Variants in TUSC3 observed in about 807,000 individuals in gnomAD.
The protein encoded by TUSC3 is tumor suppressor candidate 3, also known as dolichyl-diphosphooligosaccharide--protein glycosyltransferase subunit TUSC3.
Under a neutral mutation model 44.8 loss-of-function variants are expected in TUSC3, and 45 were observed. The observed-to-expected ratio is 1.00, with a 90% CI of 0.79 to 1.29. The LOEUF (loss-of-function observed/expected upper bound fraction) is 1.29. TUSC3 is among the 50% of genes most tolerant of loss of function. The pLI, the probability that TUSC3 is intolerant of heterozygous loss-of-function variation, is 0.00. For synonymous variants in TUSC3, 212 were observed against 152.9 expected (o/e 1.39, Z -2.85); for missense variants, 519 against 437.9 (o/e 1.19, Z -1.65).
chr8:15,606,372 A>T (rs548449060), intron 1 of TUSC3, among the ~76,000 whole-genome samples: 7 of 152,166 alleles, frequency 4.6e-5, no homozygotes, highest in African/African-American at 1.7e-4. Context: ...GTGTTAATTG[A>T]CTATGTTATT....
chr8:15,478,915 C>G (rs1000083320), intron 1 of TUSC3, among the ~76,000 whole-genome samples: 5 of 152,122 alleles, frequency 3.3e-5, no homozygotes, highest in African/African-American at 1.2e-4. Flanking sequence ...AAAAGCATTC[C>G]TATTTCTCCA....
Position 15,590,994 on chromosome 8 carries a change from C to A in TUSC3, c.139-32086C>A, listed in dbSNP as rs1334080179. Among the ~76,000 whole-genome samples, 6 of 152,082 alleles carry A rather than the reference C, an allele frequency of 3.9e-5. No individual in the cohort carries two copies. The South Asian group carries it at 1.2e-3, about 31-fold the overall frequency. ...CAGCCTATAATTTGTTTTGCCAGAT[C>A]TGATATAAAGAAGTAGGAGAAATCT... On this transcript the variant is annotated intron_variant, in intron 1 of 10. Coordinates refer to ENST00000503731, the MANE Select transcript of TUSC3 (RefSeq NM_006765.4).
chr8:15,696,139 C>T (rs1395725117), intron 6 of TUSC3, among the ~76,000 whole-genome samples: 3 of 152,180 alleles, frequency 2.0e-5, no homozygotes, highest in African/African-American at 2.4e-5. Context: ...GGCAGCCTTT[C>T]CCATCACAGG....
intron 6 of TUSC3, among the ~76,000 whole-genome samples, chr8:15,691,923 G>A (rs1808918593): frequency 6.6e-6 from 1 of 152,048 alleles, no homozygotes; most frequent in Admixed American, 6.5e-5. Flanking sequence ...TGGGATTACA[G>A]GTGCTTGCCA....
chr8:15,781,606 A>T, the TUSC3 span, among the ~76,000 whole-genome samples: 1 of 152,120 alleles, frequency 6.6e-6, no homozygotes, highest in Non-Finnish European at 1.5e-5. Context: ...AAAAAAGAAA[A>T]TGGAATCAGA....
At chr8:15,510,633 C>G (rs1042076964) in intron 2 of TUSC3, among the ~76,000 whole-genome samples, 1 of 152,094 alleles carries the variant, frequency 6.6e-6, no homozygotes, top group African/African-American at 2.4e-5. Flanking sequence ...CCAGATGGCT[C>G]TCTTGATAAA....
intron 1 of TUSC3, among the ~76,000 whole-genome samples, chr8:15,434,894 C>G (rs1372274470): frequency 2.0e-5 from 3 of 151,800 alleles, no homozygotes; most frequent in Admixed American, 2.0e-4. Context: ...CATAGTATTC[C>G]ATGGTGTATA....
chr8:15,643,168 T>G lies in TUSC3; in HGVS notation c.309-7529T>G, dbSNP rs149717684. On this transcript the variant is annotated intron_variant, in intron 2 of 10. Coordinates refer to ENST00000503731, the MANE Select transcript of TUSC3 (RefSeq NM_006765.4). ...TGTGAAGAAGGTGCCTTGCTTCCCT[T>G]TTGCCTTCCGCCATGATCATGTTTA... is the stretch of plus-strand genomic sequence containing the variant. 9.6e-4 allele frequency among the ~76,000 whole-genome samples: 146 copies of G among 152,260 alleles called. No homozygotes were observed. The East Asian group carries it at 0.025, about 26-fold the overall frequency.
chr8:15,537,623 C>T (rs911955872), upstream of TUSC3, among the ~76,000 whole-genome samples: 2 of 152,122 alleles, frequency 1.3e-5, no homozygotes, highest in Admixed American at 1.3e-4. Context: ...AAATGGGAGA[C>T]AGAAAACAAA....
intron 6 of TUSC3, among the ~76,000 whole-genome samples, chr8:15,714,355 C>G (rs764363511): frequency 4.6e-5 from 7 of 151,972 alleles, no homozygotes; most frequent in Non-Finnish European, 8.8e-5. Context: ...GTTATTATGC[C>G]ATCATCAAAA....
chr8:15,446,807 T>G (rs1800111154), intron 1 of TUSC3, among the ~76,000 whole-genome samples: 1 of 146,792 alleles, frequency 6.8e-6, no homozygotes. Flanking sequence ...ACAGATTAAA[T>G]AAAGACATGG....
At chr8:15,597,561 T>C (rs975120286) in intron 1 of TUSC3, among the ~76,000 whole-genome samples, 12 of 152,100 alleles carry the variant, frequency 7.9e-5, no homozygotes, top group African/African-American at 2.9e-4. Flanking sequence ...ATCAAGCCTA[T>C]AAAATATGAA....
At chr8:15,691,783 G>T (rs577667029) in intron 6 of TUSC3, among the ~76,000 whole-genome samples, 15 of 109,374 alleles carry the variant, frequency 1.4e-4, no homozygotes, top group Non-Finnish European at 1.9e-4. Flanking sequence ...TTTTGTTTTT[G>T]TTTGGTTTTT....
intron 6 of TUSC3, among the ~76,000 whole-genome samples, chr8:15,721,914 TATATA>T (rs769236317): frequency 3.9e-5 from 6 of 151,920 alleles, no homozygotes; most frequent in Non-Finnish European, 7.4e-5. Flanking sequence ...TATATACAAA[TATATA>T]GTATAGTATA....
chr8:15,730,859 T>A, intron 7 of TUSC3, 130 bp downstream of exon 7: 1 of 789,342 alleles, frequency 1.3e-6, no homozygotes, highest in Non-Finnish European at 2.1e-6. Flanking sequence ...ACTATATGAC[T>A]AATTTTTATT....
chr8:15,828,153 C>G, the TUSC3 span, among the ~76,000 whole-genome samples: 5 of 152,042 alleles, frequency 3.3e-5, no homozygotes, highest in African/African-American at 1.2e-4. Flanking sequence ...CACCACCACA[C>G]CTGGCTAATT....
intron 6 of TUSC3, among the ~76,000 whole-genome samples, chr8:15,725,460 C>T (rs977324881): frequency 6.6e-6 from 1 of 152,158 alleles, no homozygotes; most frequent in Admixed American, 6.5e-5. Context: ...ACAAATTACT[C>T]ACTGGCAAGA....
chr8:15,792,990 T>C, the TUSC3 span, among the ~76,000 whole-genome samples: 23 of 152,148 alleles, frequency 1.5e-4, no homozygotes, highest in Non-Finnish European at 2.5e-4. Context: ...CCTGTTTCTC[T>C]GGGGGAAAAC....
At chr8:15,727,511 G>A (rs538790232) in intron 6 of TUSC3, among the ~76,000 whole-genome samples, 1 of 152,162 alleles carries the variant, frequency 6.6e-6, no homozygotes, top group South Asian at 2.1e-4. Context: ...TTAAAAATTT[G>A]CAAACAAATT....
Sources: allele counts gnomAD v4.1 joint callset (sites outside exome capture counted in the v4.1 genomes callset), GRCh38; gene constraint gnomAD v4.1.1; transcripts MANE v1.5; gene names NCBI Gene and HGNC (gene_info 2026-07-23, HGNC 2026-07-21).